The following PTPRK variants were observed in gnomAD, a reference collection of about 807,000 sequenced individuals.
The protein encoded by PTPRK is protein tyrosine phosphatase receptor type K.
PTPRK carries 75 observed loss-of-function variants against 178.0 expected under a neutral mutation model. The observed-to-expected ratio is 0.42, with a 90% CI of 0.35 to 0.51. The LOEUF (loss-of-function observed/expected upper bound fraction) is 0.51. Ranked by LOEUF, PTPRK falls within the 20% of genes least tolerant of loss-of-function variation. The pLI is 0.02. For synonymous variants in PTPRK, 637 were observed against 620.6 expected, an observed-to-expected ratio of 1.03 and a Z score of -0.39; for missense variants, 1,441 against 1,797.8, an observed-to-expected ratio of 0.80 and a Z score of 3.59.
intron 2 of PTPRK, among the ~76,000 whole-genome samples, chr6:128,391,444 T>C (rs1356283699): frequency 6.6e-6 from 1 of 152,180 alleles, no homozygotes; most frequent in Non-Finnish European, 1.5e-5. Context: ...AATCTCGTAA[T>C]ACAAAACTAG....
Position 128,184,365 on chromosome 6 carries a change from G to T in PTPRK, c.1162+67C>A, listed in dbSNP as rs1802417142. ...TCAAATAATGAGAACCTTCAACACTGCATGTATTAATGTGTCTTATGCTAG... is the reference window on the plus strand; with the variant it reads ...TCAAATAATGAGAACCTTCAACACTTCATGTATTAATGTGTCTTATGCTAG... On this transcript the variant is annotated intron_variant, in intron 7 of 29. Transcript: ENST00000368226. The T allele has an allele frequency of 2.1e-6, 3 of 1,451,292 alleles. No individual in the cohort carries two copies. The South Asian group carries it at 3.8e-5, about 18-fold the overall frequency. 89.9% of individuals were successfully genotyped at this position (1,451,292 alleles called of 1,614,324 possible).
chr6:128,493,263 A>G (rs73589596), intron 1 of PTPRK, among the ~76,000 whole-genome samples: 69 of 152,266 alleles, frequency 4.5e-4, no homozygotes, highest in African/African-American at 1.3e-3. Context: ...AGCCCAGTCA[A>G]TGTACCCCCC....
At chr6:128,462,657 ATTTATTTATTTAT>A (rs1849221832) in intron 1 of PTPRK, among the ~76,000 whole-genome samples, 5 of 150,610 alleles carry the variant, frequency 3.3e-5, no homozygotes, top group Admixed American at 3.3e-4. Flanking sequence ...TTATTTATTT[ATTTATTTATTTAT>A]TTGAGATGGA....
intron 11 of PTPRK, among the ~76,000 whole-genome samples, chr6:128,069,754 C>A (rs1025449147): frequency 7.9e-5 from 12 of 152,056 alleles, no homozygotes; most frequent in Non-Finnish European, 1.6e-4. Context: ...AGTGAACATT[C>A]AATCTTAACT....
chr6:127,985,694 G>C, intron 22 of PTPRK, 27 bp downstream of exon 22: 1 of 1,592,046 alleles, frequency 6.3e-7, no homozygotes, highest in Non-Finnish European at 8.6e-7. Context: ...ATTGCATACA[G>C]TCAATACCAT....
chr6:128,454,031 C>G (rs1458765985), intron 1 of PTPRK, among the ~76,000 whole-genome samples: 1 of 152,072 alleles, frequency 6.6e-6, no homozygotes, highest in Non-Finnish European at 1.5e-5. Context: ...ATAAGAAAAT[C>G]CCCATTTTGC....
At chr6:128,266,093 T>C (rs984767595) in intron 3 of PTPRK, among the ~76,000 whole-genome samples, 3 of 152,116 alleles carry the variant, frequency 2.0e-5, no homozygotes, top group African/African-American at 7.2e-5. Flanking sequence ...CTGTTGTTTA[T>C]AAGACATCCA....
At chr6:128,056,099 G>A (rs1446854244) in intron 13 of PTPRK, among the ~76,000 whole-genome samples, 1 of 148,714 alleles carries the variant, frequency 6.7e-6, no homozygotes, top group Non-Finnish European at 1.5e-5. Context: ...TGCTAATAGT[G>A]AGCATAATAC....
chr6:128,320,179 C>T (rs918546676), intron 3 of PTPRK, among the ~76,000 whole-genome samples: 7 of 152,070 alleles, frequency 4.6e-5, no homozygotes, highest in African/African-American at 9.7e-5. Flanking sequence ...GCACATATAA[C>T]GAAGGGGGTT....
chr6:128,260,028 T>C (rs1203975372), intron 3 of PTPRK, among the ~76,000 whole-genome samples: 2 of 152,142 alleles, frequency 1.3e-5, no homozygotes, highest in African/African-American at 2.4e-5. Flanking sequence ...ATGGGTGAAA[T>C]GAGTTTCACT....
chr6:128,516,956 T>A (rs539079372), intron 1 of PTPRK, among the ~76,000 whole-genome samples: 1 of 151,734 alleles, frequency 6.6e-6, no homozygotes, highest in African/African-American at 2.4e-5. Flanking sequence ...GTTAAAAAAA[T>A]TAAGGATAAT....
In PTPRK at chr6:128,219,046, A is replaced by G. The variant is rs1459832876; in HGVS notation, c.744T>C (p.His248=). 2 of 1,613,998 alleles carry G rather than the reference A, an allele frequency of 1.2e-6. No individual in the cohort carries two copies. Among genetic ancestry groups the G allele is most frequent in the Middle Eastern group, 1.6e-4 (1 of 6,062 alleles). The change falls in exon 6 of 30, where the codon CAT becomes CAC. Residue 248 remains histidine, a synonymous_variant. Coordinates refer to ENST00000368226, the MANE Select transcript of PTPRK (RefSeq NM_002844.4). The part of the protein sequence containing the change: ...IPVAQTKNIN[H]RRFAASFRLQ... ...ATCTGAAGGAAGCGGCAAACCTTCT[A>G]TGATTGATGTTCTTAGTCTGGGCTA...
intron 2 of PTPRK, among the ~76,000 whole-genome samples, chr6:128,385,608 T>C (rs371681198): frequency 7.9e-5 from 12 of 152,206 alleles, no homozygotes; most frequent in East Asian, 1.9e-4. Flanking sequence ...ATGGAGAATT[T>C]TTCTCTTTTC....
chr6:128,457,011 T>C (rs9491954), intron 1 of PTPRK, among the ~76,000 whole-genome samples: 17,021 of 152,122 alleles, frequency 0.11, 1,495 homozygotes, highest in African/African-American at 0.25. Context: ...GCAGTGAAGT[T>C]AAATGTAGGA....
intron 2 of PTPRK, among the ~76,000 whole-genome samples, chr6:128,354,178 G>T (rs375876525): frequency 6.7e-6 from 1 of 149,224 alleles, no homozygotes; most frequent in African/African-American, 2.5e-5. Flanking sequence ...TTACTAAGTT[G>T]GGATAAGCCT....
At chr6:128,432,018 AAAGG>A (rs1175325173) in intron 1 of PTPRK, among the ~76,000 whole-genome samples, 1 of 152,128 alleles carries the variant, frequency 6.6e-6, no homozygotes, top group Admixed American at 6.6e-5. Flanking sequence ...GAGGGAAGAG[AAAGG>A]AAGGAAGGAA....
At chr6:128,225,146 T>G (rs1400063431) in intron 5 of PTPRK, among the ~76,000 whole-genome samples, 1 of 152,182 alleles carries the variant, frequency 6.6e-6, no homozygotes, top group East Asian at 1.9e-4. Flanking sequence ...TGACAATACA[T>G]GTCGAGATTA....
chr6:128,317,184 A>C (rs1479668098), intron 3 of PTPRK, among the ~76,000 whole-genome samples: 1 of 152,198 alleles, frequency 6.6e-6, no homozygotes, highest in Non-Finnish European at 1.5e-5. Flanking sequence ...ATTTTACTAA[A>C]GACAAAAAAT....
At chr6:128,352,892 A>G (rs982439730) in intron 2 of PTPRK, among the ~76,000 whole-genome samples, 1 of 152,208 alleles carries the variant, frequency 6.6e-6, no homozygotes, top group African/African-American at 2.4e-5. Flanking sequence ...AGTTTGTTCA[A>G]TGTCCTTTGA....
Sources: allele counts gnomAD v4.1 joint callset (sites outside exome capture counted in the v4.1 genomes callset), GRCh38; gene constraint gnomAD v4.1.1; transcripts MANE v1.5; gene names NCBI Gene and HGNC (gene_info 2026-07-23, HGNC 2026-07-21).